GAS7: variants seen among roughly 807,000 people sequenced by gnomAD.
GAS7 encodes the protein growth arrest specific 7, also known as growth arrest-specific protein 7.
In GAS7, 28 loss-of-function variants were observed where a neutral mutation model predicts 71.1. The ratio of observed to expected loss-of-function variants is 0.39; its 90% CI spans 0.29 to 0.54. The LOEUF (loss-of-function observed/expected upper bound fraction) is 0.54. GAS7 is among the 20% of genes least tolerant of loss of function. GAS7 has a pLI of 0.62. For missense variants in GAS7, 436 were observed against 627.8 expected (o/e 0.69, Z 3.27); for synonymous variants, 258 against 245.8 (o/e 1.05, Z -0.46).
At chr17:9,973,079 A>G (rs555844290) in intron 3 of GAS7, among the ~76,000 whole-genome samples, 1 of 152,330 alleles carries the variant, frequency 6.6e-6, no homozygotes, top group South Asian at 2.1e-4. Context: ...AAGTGGTAAC[A>G]GAAATTAACG....
intron 1 of GAS7, among the ~76,000 whole-genome samples, chr17:10,175,644 T>C (rs1033955527): frequency 3.9e-5 from 6 of 152,118 alleles, no homozygotes; most frequent in Non-Finnish European, 8.8e-5. Context: ...CCTACAACAG[T>C]GTGGTCAAAA....
chr17:10,151,084 A>C (rs2074162509), intron 1 of GAS7, among the ~76,000 whole-genome samples: 1 of 152,230 alleles, frequency 6.6e-6, no homozygotes, highest in Non-Finnish European at 1.5e-5. Flanking sequence ...AAAAAAGTAG[A>C]AGCCTGTGAA....
intron 1 of GAS7, among the ~76,000 whole-genome samples, chr17:10,135,519 C>T (rs1412152901): frequency 1.3e-5 from 2 of 152,206 alleles, no homozygotes; most frequent in Non-Finnish European, 2.9e-5. Flanking sequence ...AGGGGGTGAG[C>T]AGCTATAAAT....
At chr17:10,179,896 C>G (rs2074401034) in intron 1 of GAS7, among the ~76,000 whole-genome samples, 1 of 152,074 alleles carries the variant, frequency 6.6e-6, no homozygotes, top group Admixed American at 6.6e-5. Flanking sequence ...GCATTCTGAG[C>G]AATGGATGCA....
In GAS7 at chr17:9,914,010, C is replaced by A; in HGVS notation, c.*3218G>T. The A allele has an allele frequency of 4.3e-6, 1 of 230,842 alleles. No homozygotes were observed. 14.3% of individuals were successfully genotyped at this position (230,842 alleles called of 1,614,324 possible). ...CTAAGTCCTCACCTAAGCACCAAGACATAAAACAAAACAACAACCCGGATA... is the reference window on the plus strand; with the variant it reads ...CTAAGTCCTCACCTAAGCACCAAGAAATAAAACAAAACAACAACCCGGATA... On this transcript the variant is annotated 3_prime_UTR_variant, in exon 14 of 14. Coordinates refer to ENST00000432992, the MANE Select transcript of GAS7 (RefSeq NM_201433.2).
chr17:10,047,422 C>G (rs535200347), intron 1 of GAS7, among the ~76,000 whole-genome samples: 1 of 152,192 alleles, frequency 6.6e-6, no homozygotes, highest in African/African-American at 2.4e-5. Context: ...AGTCAACCTT[C>G]CCCCAAGCCG....
chr17:10,054,865 C>A (rs928248420), intron 1 of GAS7, among the ~76,000 whole-genome samples: 4 of 152,112 alleles, frequency 2.6e-5, no homozygotes, highest in African/African-American at 9.7e-5. Flanking sequence ...CTGGGCCTAA[C>A]CTTCTTTGGA....
rs368096775 is a variant in GAS7 at position 10,118,377 on chromosome 17, C to A, written c.183+79831G>T. ...TCACTACCTGGTCAGCCTCTCCGGC[C>A]TGCCCTGGGGGCCCTCACTGCCCTG... On this transcript the variant is annotated intron_variant, in intron 1 of 13. Coordinates refer to ENST00000432992, the MANE Select transcript of GAS7 (RefSeq NM_201433.2). 2.0e-4 allele frequency among the ~76,000 whole-genome samples: 30 copies of A among 152,300 alleles called. No homozygotes were observed. In the South Asian group the frequency reaches 5.2e-3, roughly 26 times the overall value.
At chr17:10,154,343 A>C (rs11651128) in intron 1 of GAS7, among the ~76,000 whole-genome samples, 17,908 of 151,590 alleles carry the variant, frequency 0.12, 1,164 homozygotes, top group Middle Eastern at 0.16. Flanking sequence ...TACAAGAAAT[A>C]AAATTAAAAA....
intron 1 of GAS7, among the ~76,000 whole-genome samples, chr17:10,124,214 G>A (rs1422139574): frequency 6.6e-6 from 1 of 152,214 alleles, no homozygotes; most frequent in East Asian, 1.9e-4. Flanking sequence ...CACTCAACAA[G>A]AAAAGGCCAA....
Position 9,915,778 on chromosome 17 carries a change from G to A in GAS7, c.*1450C>T. On this transcript the variant is annotated 3_prime_UTR_variant, in exon 14 of 14. Transcript: ENST00000432992. The stretch of plus-strand genomic sequence containing the variant: ...GAAGAAAGATGGATTTCCAGGGCAT[G>A]GGCTCCCGACTAGAATCTGCCCCTC... 1 of 231,210 alleles carries A rather than the reference G, an allele frequency of 4.3e-6. No homozygotes were observed. The highest frequency in any genetic ancestry group is 8.6e-6 in the Non-Finnish European group (1 of 116,762). 14.3% of individuals were successfully genotyped at this position (231,210 alleles called of 1,614,324 possible). A position where few individuals can be genotyped will look rare whatever the true frequency, so the allele number is the denominator to read the frequency against.
chr17:10,054,180 G>C (rs1262954632), intron 1 of GAS7, among the ~76,000 whole-genome samples: 1 of 150,154 alleles, frequency 6.7e-6, no homozygotes, highest in Non-Finnish European at 1.5e-5. Flanking sequence ...TTTTTGAAAA[G>C]CATGGCCCTC....
intron 1 of GAS7, among the ~76,000 whole-genome samples, chr17:10,046,805 G>A (rs28413862): frequency 3.8e-4 from 35 of 93,078 alleles, no homozygotes; most frequent in African/African-American, 1.3e-3. Context: ...AGGAAGGAAG[G>A]AAGGAAGGAA....
chr17:10,135,105 A>G lies in GAS7; in HGVS notation c.183+63103T>C, dbSNP rs951328835. On this transcript the variant is annotated intron_variant, in intron 1 of 13. Coordinates refer to ENST00000432992, the MANE Select transcript of GAS7 (RefSeq NM_201433.2). ...CTCGGCCTCCCAAAGTGCTAGGATT[A>G]CAGGTGTGAGCCAACGCAGCCCGGC... Among the ~76,000 whole-genome samples, 19 of 152,290 alleles carry G rather than the reference A, an allele frequency of 1.2e-4. 1 individual carries two copies. Among genetic ancestry groups the G allele is most frequent in the Admixed American group, 2.0e-4 (3 of 15,288 alleles).
chr17:10,153,519 C>CAAAAAAAAA (rs11476862), intron 1 of GAS7, among the ~76,000 whole-genome samples: 1 of 117,744 alleles, frequency 8.5e-6, no homozygotes, highest in Non-Finnish European at 1.8e-5. Context: ...CTTTGACTCA[C>CAAAAAAAAA]AAAAAAAAAA....
At chr17:10,101,896 G>C (rs2152261426) in intron 1 of GAS7, among the ~76,000 whole-genome samples, 1 of 152,218 alleles carries the variant, frequency 6.6e-6, no homozygotes, top group African/African-American at 2.4e-5. Context: ...CAGGCTGCCT[G>C]GTACATGGGG....
At chr17:9,956,733 C>T (rs561789621) in intron 5 of GAS7, among the ~76,000 whole-genome samples, 331 of 152,340 alleles carry the variant, frequency 2.2e-3, no homozygotes, top group Non-Finnish European at 4.0e-3. Flanking sequence ...TCTGGATCCA[C>T]CACCCTTTGC....
chr17:10,128,611 C>T (rs2073970448), intron 1 of GAS7, among the ~76,000 whole-genome samples: 1 of 151,480 alleles, frequency 6.6e-6, no homozygotes, highest in African/African-American at 2.4e-5. Context: ...AATAAGTGAT[C>T]GTTTTGCTTT....
chr17:9,920,182 A>AGT (rs59320661), intron 11 of GAS7, among the ~76,000 whole-genome samples: 1,718 of 141,082 alleles, frequency 0.012, 19 homozygotes, highest in African/African-American at 0.032. Flanking sequence ...AGATCATGTA[A>AGT]GTGTGTGTGT....
Sources: gnomAD v4.1 joint callset for allele counts (sites outside exome capture counted in the v4.1 genomes callset) on GRCh38, gnomAD v4.1.1 for gene constraint, MANE v1.5 for transcripts, NCBI Gene and HGNC (gene_info 2026-07-23, HGNC 2026-07-21) for gene names.